The following CCDC171 variants were observed in gnomAD, a reference collection of about 807,000 sequenced individuals.
CCDC171 encodes the protein coiled-coil domain containing 171.
Under a neutral mutation model 168.2 loss-of-function variants are expected in CCDC171, and 177 were observed. The ratio of observed to expected loss-of-function variants is 1.05; its 90% CI spans 0.93 to 1.19. The LOEUF is 1.19. CCDC171 is among the 50% of genes most tolerant of loss of function. CCDC171 has a pLI of 0.00. For synonymous variants in CCDC171, 687 were observed against 540.8 expected, an observed-to-expected ratio of 1.27 and a Z score of -3.75; for missense variants, 1,991 against 1,539.0, an observed-to-expected ratio of 1.29 and a Z score of -4.91.
At chr9:15,814,377 G>A (rs559301523) in intron 21 of CCDC171, among the ~76,000 whole-genome samples, 14 of 152,280 alleles carry the variant, frequency 9.2e-5, no homozygotes, top group Admixed American at 6.5e-4. Flanking sequence ...ACGAGGATGG[G>A]GTTGGGGAAG....
At chr9:15,733,767 C>A (rs767974362) in intron 16 of CCDC171, among the ~76,000 whole-genome samples, 2 of 151,890 alleles carry the variant, frequency 1.3e-5, no homozygotes, top group Admixed American at 1.3e-4. Flanking sequence ...GAAGGCATAG[C>A]AATTCACTTT....
intron 1 of CCDC171, among the ~76,000 whole-genome samples, chr9:16,045,464 A>C (rs1025669108): frequency 4.6e-5 from 7 of 151,908 alleles, no homozygotes; most frequent in Non-Finnish European, 7.4e-5. Flanking sequence ...TGCTGGTAGC[A>C]CTCCTTCCTT....
chr9:16,017,518 G>A (rs1192501774), intron 3 of CCDC171, among the ~76,000 whole-genome samples: 1 of 152,016 alleles, frequency 6.6e-6, no homozygotes, highest in African/African-American at 2.4e-5. Context: ...AGAATTCTAA[G>A]AAGAAGGATT....
At position 15,623,475 on chromosome 9, in the gene CCDC171, G is replaced by GCGCGCGCGCTCACACACA; in HGVS notation, c.822+63_822+64insGCGCGCGCTCACACACAC. ...CAAACTTTCACATATGCGCGCGCGC[G>GCGCGCGCGCTCACACACA]CACACACACACACACACACACACAC... On this transcript the variant is annotated intron_variant, in intron 7 of 25. Transcript: ENST00000380701. 27 of 311,456 alleles carry GCGCGCGCGCTCACACACA rather than the reference G, an allele frequency of 8.7e-5. 3 individuals carry two copies. In the South Asian group the frequency reaches 1.2e-3, roughly 14 times the overall value. The allele number at this position is 311,456 out of a possible 1,614,324, so 19.3% of individuals were successfully genotyped here. A position where few individuals can be genotyped will look rare whatever the true frequency, so the allele number is the denominator to read the frequency against.
downstream of CCDC171, among the ~76,000 whole-genome samples, chr9:15,975,112 G>A (rs576896513): frequency 6.6e-6 from 1 of 152,086 alleles, no homozygotes; most frequent in African/African-American, 2.4e-5. Flanking sequence ...AAAGGTGGAA[G>A]ATAATTAATA....
chr9:15,603,323 G>A (rs1441415464), intron 6 of CCDC171, among the ~76,000 whole-genome samples: 3 of 152,170 alleles, frequency 2.0e-5, no homozygotes, highest in African/African-American at 7.2e-5. Flanking sequence ...CATGTGCCAT[G>A]GTGGTTTGCT....
intron 10 of CCDC171, among the ~76,000 whole-genome samples, chr9:15,692,689 A>G (rs2050898975): frequency 6.6e-6 from 1 of 151,312 alleles, no homozygotes; most frequent in Non-Finnish European, 1.5e-5. Context: ...CACCATGCCC[A>G]GCTAATTTTT....
chr9:15,892,102 C>T (rs577501179), intron 24 of CCDC171, among the ~76,000 whole-genome samples: 1 of 152,220 alleles, frequency 6.6e-6, no homozygotes, highest in African/African-American at 2.4e-5. Flanking sequence ...TTTATTTCCC[C>T]AACTTGAAAA....
At chr9:16,025,689 CA>C in intron 6 of CCDC171, among the ~76,000 whole-genome samples, 1 of 152,148 alleles carries the variant, frequency 6.6e-6, no homozygotes, top group Non-Finnish European at 1.5e-5. Context: ...AAACTAGTCA[CA>C]AAAGCCCATT....
chr9:15,623,475 G>GCGCGCGCCCGCGCGCACACACACA, intron 7 of CCDC171, 62 bp downstream of exon 7: 1 of 293,710 alleles, frequency 3.4e-6, no homozygotes, highest in Non-Finnish European at 6.3e-6. Context: ...GCGCGCGCGC[G>GCGCGCGCCCGCGCGCACACACACA]CACACACACA....
At chr9:15,594,723 A>G (rs532976868) in intron 6 of CCDC171, among the ~76,000 whole-genome samples, 16 of 152,272 alleles carry the variant, frequency 1.1e-4, no homozygotes, top group Non-Finnish European at 1.9e-4. Flanking sequence ...CTGAATGATT[A>G]ATCTGGGAAA....
At chr9:15,976,924 T>A (rs1831636410), downstream of CCDC171, among the ~76,000 whole-genome samples, 1 of 152,110 alleles carries the variant, frequency 6.6e-6, no homozygotes, top group Non-Finnish European at 1.5e-5. Context: ...GTGTTAAATG[T>A]GATCAAACCT....
At chr9:16,047,036 G>A (rs185861394) in intron 1 of CCDC171, among the ~76,000 whole-genome samples, 5 of 152,282 alleles carry the variant, frequency 3.3e-5, no homozygotes, top group Non-Finnish European at 7.4e-5. Context: ...TCTAAGGACT[G>A]CATCCTTGGC....
At chr9:15,589,622 A>G (rs2041839513) in intron 4 of CCDC171, among the ~76,000 whole-genome samples, 1 of 152,246 alleles carries the variant, frequency 6.6e-6, no homozygotes, top group East Asian at 1.9e-4. Flanking sequence ...TGAAAGTTGT[A>G]TACTGTTAAT....
rs1267809641 is a variant in CCDC171, at chr9:15,724,869, G to T, written c.1585G>T (p.Val529Leu). The T allele has an allele frequency of 1.2e-6, 2 of 1,613,832 alleles. No homozygotes were observed. The highest frequency in any genetic ancestry group is 3.3e-5 in the Admixed American group (2 of 59,990). The change falls in exon 14 of 26, where the codon GTG (valine) becomes TTG (leucine). Residue 529 changes from valine to leucine, a missense_variant. Transcript: ENST00000380701. ...DREALISTLK[V>L]ELQNVLHCWE... The stretch of plus-strand genomic sequence containing the variant: ...AGAGGCTTTAATAAGCACTTTAAAA[G>T]TGGAACTACAAAATGTGCTGCACTG...
At chr9:15,655,334 C>T (rs2047846524) in intron 7 of CCDC171, among the ~76,000 whole-genome samples, 2 of 152,156 alleles carry the variant, frequency 1.3e-5, no homozygotes, top group South Asian at 4.1e-4. Flanking sequence ...GGACTCTAGG[C>T]ATGGCTTTTC....
chr9:15,988,366 TA>T (rs1202167013), intron 3 of CCDC171, among the ~76,000 whole-genome samples: 1 of 152,220 alleles, frequency 6.6e-6, no homozygotes, highest in Non-Finnish European at 1.5e-5. Context: ...CACGACTTTT[TA>T]AAATATTTCC....
At chr9:16,006,880 C>T (rs150354281) in intron 3 of CCDC171, among the ~76,000 whole-genome samples, 2,052 of 152,096 alleles carry the variant, frequency 0.013, 27 homozygotes, top group Non-Finnish European at 0.02. Context: ...TGAATAGTAC[C>T]GCAATAAACA....
At chr9:15,999,000 T>A (rs1832453286) in intron 3 of CCDC171, among the ~76,000 whole-genome samples, 2 of 152,108 alleles carry the variant, frequency 1.3e-5, no homozygotes, top group South Asian at 4.1e-4. Flanking sequence ...TATTTCAACA[T>A]GAGTGCTAAA....
Sources: gnomAD v4.1 joint callset for allele counts (sites outside exome capture counted in the v4.1 genomes callset) on GRCh38, gnomAD v4.1.1 for gene constraint, MANE v1.5 for transcripts, NCBI Gene and HGNC (gene_info 2026-07-23, HGNC 2026-07-21) for gene names.